Variants in RAD51B observed in about 807,000 individuals in gnomAD.
RAD51B encodes RAD51 paralog B.
Under a neutral mutation model 42.2 loss-of-function variants are expected in RAD51B, and 38 were observed. The observed-to-expected ratio is 0.90, with a 90% CI of 0.70 to 1.18. RAD51B has a LOEUF of 1.18. Among genes scored for constraint, RAD51B ranks in the 50% most tolerant of loss-of-function variants. The pLI is 0.00. For missense variants in RAD51B, 373 were observed against 400.7 expected (o/e 0.93, Z 0.59); for synonymous variants, 154 against 145.2 (o/e 1.06, Z -0.43).
At chr14:68,376,913 A>G (rs2083381787) in intron 8 of RAD51B, among the ~76,000 whole-genome samples, 1 of 152,228 alleles carries the variant, frequency 6.6e-6, no homozygotes, top group Admixed American at 6.5e-5. Flanking sequence ...TTCAGTCGTT[A>G]TGTGGGAATA....
chr14:68,324,420 T>C (rs2082212174), intron 8 of RAD51B, among the ~76,000 whole-genome samples: 1 of 152,114 alleles, frequency 6.6e-6, no homozygotes, highest in Non-Finnish European at 1.5e-5. Flanking sequence ...ACTGTATGCT[T>C]CTTGAGGGTA....
At chr14:68,517,438 G>A (rs1886241973) in intron 10 of RAD51B, among the ~76,000 whole-genome samples, 2 of 152,174 alleles carry the variant, frequency 1.3e-5, no homozygotes, top group South Asian at 4.1e-4. Flanking sequence ...TCTAGCACCA[G>A]CAATTTTACC....
intron 7 of RAD51B, among the ~76,000 whole-genome samples, chr14:68,251,590 C>T (rs2080635500): frequency 6.6e-6 from 1 of 152,164 alleles, no homozygotes; most frequent in Non-Finnish European, 1.5e-5. Flanking sequence ...CTGAAGCATC[C>T]TGCAGGTGTC....
At chr14:68,594,729 T>C (rs1452677860) in exon 11 of RAD51B, 1 of 1,262,878 alleles carries the variant, frequency 7.9e-7, no homozygotes, top group East Asian at 3.6e-5. Context: ...GCCATTCCAA[T>C]GAGAATTTTG....
At chr14:68,144,327 G>A (rs1331487580) in intron 7 of RAD51B, among the ~76,000 whole-genome samples, 2 of 152,172 alleles carry the variant, frequency 1.3e-5, no homozygotes, top group Non-Finnish European at 1.5e-5. Flanking sequence ...AGTGAGGGCG[G>A]CTGAGCAAAG....
intron 7 of RAD51B, among the ~76,000 whole-genome samples, chr14:68,241,649 A>AT (rs1207583867): frequency 3.9e-5 from 6 of 152,272 alleles, no homozygotes; most frequent in African/African-American, 1.4e-4. Context: ...TAAATTTAAA[A>AT]TTTTTTAGTT....
At chr14:68,045,291 A>G (rs1267958911) in intron 7 of RAD51B, among the ~76,000 whole-genome samples, 1 of 151,412 alleles carries the variant, frequency 6.6e-6, no homozygotes, top group Non-Finnish European at 1.5e-5. Flanking sequence ...GACTTACTAC[A>G]TTATTGAGAG....
At chr14:68,564,810 A>G (rs916936316) in intron 10 of RAD51B, among the ~76,000 whole-genome samples, 16 of 152,290 alleles carry the variant, frequency 1.1e-4, no homozygotes, top group African/African-American at 3.8e-4. Context: ...CCACTGAAAG[A>G]GCCGGGTCGC....
intron 7 of RAD51B, among the ~76,000 whole-genome samples, chr14:68,020,257 G>A (rs1473669935): frequency 1.3e-5 from 2 of 151,998 alleles, no homozygotes; most frequent in Non-Finnish European, 2.9e-5. Flanking sequence ...CCACAGGCAC[G>A]TGCCACCATG....
At chr14:67,873,164 G>A (rs1408097684) in intron 5 of RAD51B, among the ~76,000 whole-genome samples, 1 of 152,116 alleles carries the variant, frequency 6.6e-6, no homozygotes, top group African/African-American at 2.4e-5. Context: ...CCTAAAAAAT[G>A]GGAGAAAATT....
At chr14:67,927,846 A>AC (rs2044582094) in intron 7 of RAD51B, among the ~76,000 whole-genome samples, 1 of 148,562 alleles carries the variant, frequency 6.7e-6, no homozygotes, top group Non-Finnish European at 1.5e-5. Context: ...TTCTGGGAAA[A>AC]AATGAATCCC....
intron 10 of RAD51B, chr14:68,563,113 G>T: frequency 1.0e-6 from 1 of 985,478 alleles, no homozygotes; most frequent in Non-Finnish European, 1.2e-6. Flanking sequence ...ACTCTGCCGG[G>T]TTCAGAGAGG....
intron 8 of RAD51B, among the ~76,000 whole-genome samples, chr14:68,344,552 C>A (rs954876607): frequency 1.3e-5 from 2 of 152,014 alleles, no homozygotes; most frequent in East Asian, 1.9e-4. Flanking sequence ...GAAGCTGAGG[C>A]AGGAGAATGG....
intron 7 of RAD51B, among the ~76,000 whole-genome samples, chr14:68,094,483 A>G (rs903450392): frequency 6.6e-6 from 1 of 152,262 alleles, no homozygotes; most frequent in African/African-American, 2.4e-5. Context: ...ATTGCCATTT[A>G]TGAAAATTTA....
rs542285964 is a variant in RAD51B, at chr14:68,342,984, CT to C, written c.853+51015del. On this transcript the variant is annotated intron_variant, in intron 8 of 10. Coordinates refer to ENST00000471583, the MANE Select transcript of RAD51B (RefSeq NM_133510.4). ...AGCCCTTGGTCTCCATTTCTGCTGC[CT>C]TTTTTTTTTTGCTTATTTTTAAATT... 7.9e-4 allele frequency among the ~76,000 whole-genome samples: 111 copies of C among 141,316 alleles called. 1 individual carries two copies. Among genetic ancestry groups the C allele is most frequent in the Admixed American group, 8.5e-4 (12 of 14,166 alleles). The allele number at this position is 141,316 out of a possible 152,430, so 92.7% of individuals were successfully genotyped here. A position where few individuals can be genotyped will look rare whatever the true frequency, so the allele number is the denominator to read the frequency against.
intron 7 of RAD51B, among the ~76,000 whole-genome samples, chr14:68,246,423 A>G (rs942508349): frequency 6.6e-6 from 1 of 152,214 alleles, no homozygotes; most frequent in Non-Finnish European, 1.5e-5. Flanking sequence ...AGATGGAGCA[A>G]AGCTGAGCAC....
rs2045112895 is a variant in RAD51B, at chr14:67,940,036, ATATATATATATATATATATTTTTTTT to A, written c.756+52834_756+52859del. 3.4e-4 allele frequency among the ~76,000 whole-genome samples: 3 copies of A among 8,934 alleles called. No homozygotes were observed. In the South Asian group the frequency reaches 0.016, roughly 47 times the overall value. 5.9% of individuals were successfully genotyped at this position (8,934 alleles called of 152,430 possible). ...ATTTGATAGATGCATATATATATAT[ATATATATATATATATATATTTTTTTT>A]TTTTTTTTTTTTTTTTTTTTTTTTT... On this transcript the variant is annotated intron_variant, in intron 7 of 10. Transcript: ENST00000471583.
At chr14:68,296,321 A>G (rs947505744) in intron 8 of RAD51B, among the ~76,000 whole-genome samples, 3 of 151,598 alleles carry the variant, frequency 2.0e-5, no homozygotes, top group African/African-American at 7.2e-5. Flanking sequence ...TTTGAGTCAC[A>G]GTATTTTCTT....
At chr14:68,363,494 C>T (rs1434169461) in intron 8 of RAD51B, among the ~76,000 whole-genome samples, 1 of 152,172 alleles carries the variant, frequency 6.6e-6, no homozygotes, top group Non-Finnish European at 1.5e-5. Flanking sequence ...ACAGGCTCAT[C>T]TCCAGGTGTG....
Sources: allele counts gnomAD v4.1 joint callset (sites outside exome capture counted in the v4.1 genomes callset), GRCh38; gene constraint gnomAD v4.1.1; transcripts MANE v1.5; gene names NCBI Gene and HGNC (gene_info 2026-07-23, HGNC 2026-07-21).